The following TTC8 variants were observed in gnomAD, a reference collection of about 807,000 sequenced individuals.
The protein encoded by TTC8 is tetratricopeptide repeat domain 8.
TTC8 carries 47 observed loss-of-function variants against 72.5 expected under a neutral mutation model. The ratio of observed to expected loss-of-function variants is 0.65; its 90% CI spans 0.51 to 0.83. TTC8 has a LOEUF of 0.83. TTC8 is among the 40% of genes least tolerant of loss of function. The pLI, the probability that TTC8 is intolerant of heterozygous loss-of-function variation, is 0.00. For synonymous variants in TTC8, 199 were observed against 221.4 expected, an observed-to-expected ratio of 0.90 and a Z score of 0.90; for missense variants, 611 against 623.2, an observed-to-expected ratio of 0.98 and a Z score of 0.21.
rs555588038 is a variant in TTC8 at position 88,868,777 on chromosome 14, C to G, written c.910-1282C>G. 3.3e-5 allele frequency among the ~76,000 whole-genome samples: 5 copies of G among 152,252 alleles called. No homozygotes were observed. In the East Asian group the frequency reaches 9.7e-4, roughly 29 times the overall value. On this transcript the variant is annotated intron_variant, in intron 10 of 14. Transcript: ENST00000380656. Reference sequence around the variant, plus strand: ...GTAGCCTGAAAGCTTTTGTTGACACCTGCTGGTAAGATCAAGAAAATCAAG... The same window carrying G: ...GTAGCCTGAAAGCTTTTGTTGACACGTGCTGGTAAGATCAAGAAAATCAAG...
chr14:88,827,881 A>G (rs1159050524), intron 1 of TTC8, among the ~76,000 whole-genome samples: 1 of 152,184 alleles, frequency 6.6e-6, no homozygotes, highest in East Asian at 1.9e-4. Context: ...TTTCCTTAGA[A>G]CATGACTCCA....
At chr14:88,866,414 C>CAG (rs60586870) in intron 10 of TTC8, among the ~76,000 whole-genome samples, 94 of 150,832 alleles carry the variant, frequency 6.2e-4, no homozygotes, top group Admixed American at 3.8e-3. Flanking sequence ...CACACACACA[C>CAG]GCACACACAA....
At chr14:88,832,240 C>G (rs2094729193) in intron 1 of TTC8, among the ~76,000 whole-genome samples, 1 of 152,172 alleles carries the variant, frequency 6.6e-6, no homozygotes, top group African/African-American at 2.4e-5. Context: ...GAGCAGAAAT[C>G]CTCTGAGGCT....
chr14:88,869,854 G>A (rs747422187), intron 10 of TTC8, among the ~76,000 whole-genome samples: 24 of 152,106 alleles, frequency 1.6e-4, no homozygotes, highest in Middle Eastern at 6.8e-3. Context: ...ATATTTGTTT[G>A]CCTTTCATAC....
intron 9 of TTC8, among the ~76,000 whole-genome samples, chr14:88,857,838 G>A (rs2094864175): frequency 6.6e-6 from 1 of 152,054 alleles, no homozygotes; most frequent in African/African-American, 2.4e-5. Flanking sequence ...AGTTTTTCAG[G>A]GTCCCTTGGT....
Position 88,875,089 on chromosome 14 carries a change from T to C in TTC8, c.1411T>C (p.Phe471Leu), listed in dbSNP as rs757213175. ...APHMYEPHFN[F>L]ATISDKIGDL... ...CCATATGTATGAACCGCATTTTAAT[T>C]TTGCAACAATCTCTGATAAGGTATT... is the stretch of plus-strand genomic sequence containing the variant. The change falls in exon 14 of 15, where the codon TTT (phenylalanine) becomes CTT (leucine). Residue 471 changes from phenylalanine (F) to leucine (L), a missense_variant. Transcript: ENST00000380656. 4.3e-6 allele frequency: 7 copies of C among 1,612,624 alleles called. No individual in the cohort carries two copies. The South Asian group carries it at 7.7e-5, about 18-fold the overall frequency.
intron 2 of TTC8, among the ~76,000 whole-genome samples, chr14:88,834,860 G>T (rs2094743078): frequency 6.6e-6 from 1 of 152,136 alleles, no homozygotes; most frequent in South Asian, 2.1e-4. Context: ...TGGCATTTAA[G>T]AGCTTTAAAC....
At chr14:88,879,420 A>G (rs1595997683), downstream of TTC8, 1 of 152,168 alleles carries the variant, frequency 6.6e-6, no homozygotes, top group Admixed American at 6.5e-5. Context: ...CATATCATCG[A>G]GCATATTTCC....
intron 14 of TTC8, among the ~76,000 whole-genome samples, chr14:88,876,608 T>C (rs1194608401): frequency 6.6e-6 from 1 of 152,170 alleles, no homozygotes; most frequent in East Asian, 1.9e-4. Flanking sequence ...AAATATTGCA[T>C]GTACCTCATA....
At chr14:88,874,868 T>C (rs2094950160) in intron 13 of TTC8, among the ~76,000 whole-genome samples, 158 bp from the exon 14 acceptor site, 1 of 152,152 alleles carries the variant, frequency 6.6e-6, no homozygotes, top group Non-Finnish European at 1.5e-5. Context: ...ATGAAGTCAT[T>C]GTATTTCATG....
At position 88,840,861 on chromosome 14, in the gene TTC8, C is replaced by CT. The variant is rs767538703; in HGVS notation, c.266-3dup. The CT allele has an allele frequency of 2.5e-6, 4 of 1,613,976 alleles. No individual in the cohort carries two copies. In the Admixed American group the frequency reaches 6.7e-5, roughly 27 times the overall value. ...TAAATTGTATTAGCCATCTTGTCTC[C>CT]TAGGCCCTGGAACGTCTTTGAAACT... is the stretch of plus-strand genomic sequence containing the variant. On this transcript the variant is annotated splice_polypyrimidine_tract_variant and splice_region_variant and intron_variant, in intron 3 of 14. Coordinates refer to ENST00000380656, the MANE Select transcript of TTC8 (RefSeq NM_144596.4).
chr14:88,850,358 A>G (rs1383978740), intron 7 of TTC8, among the ~76,000 whole-genome samples: 3 of 152,168 alleles, frequency 2.0e-5, no homozygotes, highest in Non-Finnish European at 4.4e-5. Context: ...GTAAAAGAGG[A>G]TTATCTGTCC....
At chr14:88,824,600 G>A (rs1317315960), upstream of TTC8, 20 of 854,804 alleles carry the variant, frequency 2.3e-5, no homozygotes, top group Admixed American at 1.5e-4. Context: ...TCTCGGACAA[G>A]GCCCCAGCCG....
intron 7 of TTC8, among the ~76,000 whole-genome samples, chr14:88,851,939 C>G (rs1215311860): frequency 6.6e-6 from 1 of 152,084 alleles, no homozygotes; most frequent in Non-Finnish European, 1.5e-5. Flanking sequence ...GCATTCATTT[C>G]AGAAAAGAGT....
In TTC8 at chr14:88,861,212, T is replaced by C. The variant is rs1341658057; in HGVS notation, c.799-10T>C. On this transcript the variant is annotated splice_polypyrimidine_tract_variant and intron_variant, in intron 9 of 14. Transcript: ENST00000380656. ...ACCTATACTTTTATTGAAATGTATCTTGTTTTTAGGTTTATGTCTCATTGG... is the reference window on the plus strand; with the variant it reads ...ACCTATACTTTTATTGAAATGTATCCTGTTTTTAGGTTTATGTCTCATTGG... 23 of 1,574,684 alleles carry C rather than the reference T, an allele frequency of 1.5e-5. No homozygotes were observed. The highest frequency in any genetic ancestry group is 1.8e-5 in the Non-Finnish European group (21 of 1,145,892).
rs1333199024 is a variant in TTC8 at position 88,871,512 on chromosome 14, G to A, written c.1050-37G>A. Reference sequence around the variant, plus strand: ...ATATGTCTTAAAACTTACAAAGTTGGTCTGACACCAAAATTTGTGTGTTCT... The same window carrying A: ...ATATGTCTTAAAACTTACAAAGTTGATCTGACACCAAAATTTGTGTGTTCT... On this transcript the variant is annotated intron_variant, in intron 11 of 14. Coordinates refer to ENST00000380656, the MANE Select transcript of TTC8 (RefSeq NM_144596.4). The surrounding 1 kb of genome is among the most constrained non-coding windows in gnomAD (Gnocchi z 4.1). The A allele has an allele frequency of 6.2e-7, 1 of 1,606,918 alleles. No homozygotes were observed. The highest frequency in any genetic ancestry group is 2.2e-5 in the East Asian group (1 of 44,762).
At chr14:88,826,178 C>G (rs1283490207) in intron 1 of TTC8, among the ~76,000 whole-genome samples, 1 of 151,262 alleles carries the variant, frequency 6.6e-6, no homozygotes, top group Non-Finnish European at 1.5e-5. Flanking sequence ...TTAGTAGAGA[C>G]GGGATTTCAC....
Position 88,871,818 on chromosome 14 carries a change from GA to G in TTC8, c.1224+97del, listed in dbSNP as rs1303195618. On this transcript the variant is annotated intron_variant, in intron 12 of 14. Transcript: ENST00000380656. This position sits in a 1 kb window ranked among gnomAD's most constrained non-coding sequence, Gnocchi z 4.1. ...TATAATTCCAGCATTTTGGGAGGCT[GA>G]AGCAGGAGGATTGCTTGAGCCCAGG... 4 of 1,382,936 alleles carry G rather than the reference GA, an allele frequency of 2.9e-6. No homozygotes were observed. The highest frequency in any genetic ancestry group is 4.1e-6 in the Non-Finnish European group (4 of 977,780). 85.7% of individuals were successfully genotyped at this position (1,382,936 alleles called of 1,614,324 possible). A position where few individuals can be genotyped will look rare whatever the true frequency, so the allele number is the denominator to read the frequency against.
chr14:88,869,371 T>C (rs909668245), intron 10 of TTC8, among the ~76,000 whole-genome samples: 6 of 152,190 alleles, frequency 3.9e-5, no homozygotes, highest in Admixed American at 6.5e-5. Flanking sequence ...GTCTTTTCTT[T>C]CCTGGACTTT....
Sources: gnomAD v4.1 joint callset for allele counts (sites outside exome capture counted in the v4.1 genomes callset) on GRCh38, gnomAD v4.1.1 for gene constraint, Gnocchi (gnomAD v3.1) non-coding constraint, MANE v1.5 for transcripts, NCBI Gene and HGNC (gene_info 2026-07-23, HGNC 2026-07-21) for gene names.